CTDP1: variants seen among roughly 807,000 people sequenced by gnomAD.
The protein encoded by CTDP1 is RNA polymerase II subunit A C-terminal domain phosphatase.
Under a neutral mutation model 91.8 loss-of-function variants are expected in CTDP1, and 47 were observed. The observed-to-expected ratio is 0.51, with a 90% CI of 0.41 to 0.65. CTDP1 has a LOEUF of 0.65. Ranked by LOEUF, CTDP1 falls within the 30% of genes least tolerant of loss-of-function variation. The pLI, the probability that CTDP1 is intolerant of heterozygous loss-of-function variation, is 0.00. For synonymous variants in CTDP1, 656 were observed against 598.5 expected, an observed-to-expected ratio of 1.10 and a Z score of -1.40; for missense variants, 1,272 against 1,373.7, an observed-to-expected ratio of 0.93 and a Z score of 1.17.
At chr18:79,748,660 C>T (rs1444823776) in intron 12 of CTDP1, among the ~76,000 whole-genome samples, 1 of 152,220 alleles carries the variant, frequency 6.6e-6, no homozygotes, top group South Asian at 2.1e-4. Context: ...CAGACCACAG[C>T]GTCCCCAGCT....
chr18:79,686,589 A>T (rs529123915), intron 1 of CTDP1, among the ~76,000 whole-genome samples: 1 of 152,368 alleles, frequency 6.6e-6, no homozygotes, highest in Admixed American at 6.5e-5. Flanking sequence ...TTGAGCTAAA[A>T]CTTAACTCAT....
Position 79,713,572 on chromosome 18 carries a change from GT to G in CTDP1, c.1030+437del, listed in dbSNP as rs1450113367. On this transcript the variant is annotated intron_variant, in intron 7 of 12. Coordinates refer to ENST00000613122, the MANE Select transcript of CTDP1 (RefSeq NM_004715.5). This position sits in a 1 kb window ranked among gnomAD's most constrained non-coding sequence, Gnocchi z 4.7. ...GGCTGGGGCCCCAGAGAGCAGCGTG[GT>G]TTAACTTGTCAGTCAGGCATGCAGC... Among the ~76,000 whole-genome samples the G allele has an allele frequency of 6.6e-6, 1 of 152,214 alleles. No individual in the cohort carries two copies. The highest frequency in any genetic ancestry group is 1.5e-5 in the Non-Finnish European group (1 of 68,038).
chr18:79,683,213 C>T (rs557088580), intron 1 of CTDP1: 6 of 152,350 alleles, frequency 3.9e-5, no homozygotes, highest in Admixed American at 6.5e-5. Context: ...ATTGACTTAT[C>T]TTGACCACCT....
chr18:79,715,669 C>G (rs563093692), intron 8 of CTDP1, 141 bp downstream of exon 8: 2 of 976,476 alleles, frequency 2.0e-6, no homozygotes, highest in Non-Finnish European at 3.0e-6. Flanking sequence ...AAGAATAGAT[C>G]ATGACAGTGG....
chr18:79,697,730 C>A, intron 3 of CTDP1, 130 bp from the exon 4 acceptor site: 2 of 1,374,912 alleles, frequency 1.5e-6, no homozygotes, highest in Non-Finnish European at 2.0e-6. Context: ...GCCTGTACGG[C>A]GCAGTCCATG....
At position 79,692,507 on chromosome 18, in the gene CTDP1, A is replaced by G. The variant is rs191032886; in HGVS notation, c.315-2718A>G. 6.3e-4 allele frequency among the ~76,000 whole-genome samples: 96 copies of G among 152,326 alleles called. 1 individual carries two copies. The highest frequency in any genetic ancestry group is 1.8e-4 in the Non-Finnish European group (12 of 68,024). On this transcript the variant is annotated intron_variant, in intron 1 of 12. Coordinates refer to ENST00000613122, the MANE Select transcript of CTDP1 (RefSeq NM_004715.5). ...AATTTCTACAAAAAAACACCTGTTT[A>G]TTGGTTAAACTAGAGCCACCCCAGA... is the stretch of plus-strand genomic sequence containing the variant.
intron 12 of CTDP1, among the ~76,000 whole-genome samples, chr18:79,743,815 C>G (rs190664825): frequency 5.1e-4 from 77 of 152,330 alleles, no homozygotes; most frequent in African/African-American, 1.7e-3. Context: ...CAAAATACAT[C>G]GTGAAACAGA....
intron 10 of CTDP1, among the ~76,000 whole-genome samples, chr18:79,723,927 C>G (rs906912520): frequency 1.3e-5 from 2 of 152,366 alleles, no homozygotes; most frequent in Admixed American, 6.5e-5. Flanking sequence ...GCCCCTCATT[C>G]ATGTCCTTCT....
chr18:79,712,322 C>T (rs2086101516), intron 6 of CTDP1, among the ~76,000 whole-genome samples: 1 of 152,154 alleles, frequency 6.6e-6, no homozygotes, highest in Non-Finnish European at 1.5e-5. Flanking sequence ...GGCTCGGTCG[C>T]CCAGGCTTAA....
intron 1 of CTDP1, among the ~76,000 whole-genome samples, chr18:79,682,420 TAG>T (rs2085393794): frequency 1.3e-5 from 2 of 152,194 alleles, no homozygotes; most frequent in Admixed American, 6.5e-5. Context: ...CGTCTCTCCA[TAG>T]AGAGTTGCAG....
chr18:79,694,469 G>A (rs1284538476), intron 1 of CTDP1, among the ~76,000 whole-genome samples: 1 of 138,374 alleles, frequency 7.2e-6, no homozygotes, highest in African/African-American at 2.8e-5. Context: ...AGGGGTGGGC[G>A]CTGAGTGCTG....
In CTDP1 at chr18:79,715,674, C is replaced by T. The variant is rs928756841; in HGVS notation, c.2068+146C>T. 8 of 958,416 alleles carry T rather than the reference C, an allele frequency of 8.3e-6. No individual in the cohort carries two copies. In the African/African-American group the frequency reaches 1.2e-4, roughly 14 times the overall value. The allele number at this position is 958,416 out of a possible 1,614,324, so 59.4% of individuals were successfully genotyped here. A position where few individuals can be genotyped will look rare whatever the true frequency, so the allele number is the denominator to read the frequency against. On this transcript the variant is annotated intron_variant, in intron 8 of 12. Coordinates refer to ENST00000613122, the MANE Select transcript of CTDP1 (RefSeq NM_004715.5). ...ACCATCTTTTAAGAATAGATCATGA[C>T]AGTGGGTGAAATTGGAGTTTGGGCA...
At chr18:79,746,291 C>G (rs371454818) in intron 12 of CTDP1, among the ~76,000 whole-genome samples, 1 of 98,952 alleles carries the variant, frequency 1.0e-5, no homozygotes, top group African/African-American at 3.9e-5. Context: ...CGTGCGCGTT[C>G]TGTCCCTGCG....
At chr18:79,725,993 T>G (rs543512005) in intron 10 of CTDP1, among the ~76,000 whole-genome samples, 6 of 152,308 alleles carry the variant, frequency 3.9e-5, no homozygotes, top group African/African-American at 1.4e-4. Context: ...CTGGTGTAGA[T>G]TTGGAGGGTT....
chr18:79,690,780 T>C (rs1470444851), intron 1 of CTDP1, among the ~76,000 whole-genome samples: 2 of 151,974 alleles, frequency 1.3e-5, no homozygotes, highest in African/African-American at 4.8e-5. Flanking sequence ...TATCCAGGAG[T>C]GTCTCCAGCC....
intron 12 of CTDP1, among the ~76,000 whole-genome samples, chr18:79,740,225 T>C (rs1479196537): frequency 6.6e-6 from 1 of 152,132 alleles, no homozygotes; most frequent in Non-Finnish European, 1.5e-5. Flanking sequence ...GCTTGCTCCC[T>C]GCCTGCACCA....
Position 79,728,912 on chromosome 18 carries a change from T to G in CTDP1, c.2423T>G (p.Val808Gly). ...IRQEPSSFRA[V>G]PPPQPQMFGE... The stretch of plus-strand genomic sequence containing the variant: ...ACCTATGAAATTCCTTTCAGAGCGG[T>G]TCCGCCACCCCAGCCGCAGATGTTT... Residue 808 changes from valine to glycine, a missense_variant, in exon 11 of 13, where the codon GTT (valine) becomes GGT (glycine). This residue lies in a region of CTDP1 where 881 missense variants were observed against 911.6 expected (regional missense o/e 0.97). Coordinates refer to ENST00000613122, the MANE Select transcript of CTDP1 (RefSeq NM_004715.5). 1 of 1,614,022 alleles carries G rather than the reference T, an allele frequency of 6.2e-7. No homozygotes were observed. The highest frequency in any genetic ancestry group is 8.5e-7 in the Non-Finnish European group (1 of 1,180,034).
chr18:79,751,794 T>A (rs2122908906), intron 12 of CTDP1, among the ~76,000 whole-genome samples: 1 of 152,316 alleles, frequency 6.6e-6, no homozygotes, highest in Non-Finnish European at 1.5e-5. Flanking sequence ...TGTGGCTGTA[T>A]CACACATAAT....
chr18:79,730,946 G>C (rs986571029), intron 11 of CTDP1, among the ~76,000 whole-genome samples: 1 of 152,224 alleles, frequency 6.6e-6, no homozygotes, highest in South Asian at 2.1e-4. Context: ...GAAGCTCCTC[G>C]TGGCCTGGCC....
Sources: allele counts gnomAD v4.1 joint callset (sites outside exome capture counted in the v4.1 genomes callset), GRCh38; gene constraint gnomAD v4.1.1; regional missense constraint gnomAD v4.1.1; non-coding constraint Gnocchi (gnomAD v3.1); transcripts MANE v1.5; gene names NCBI Gene and HGNC (gene_info 2026-07-23, HGNC 2026-07-21).